The following SLIT3 variants were observed in gnomAD, a reference collection of about 807,000 sequenced individuals.
SLIT3 encodes slit guidance ligand 3.
A neutral mutation model predicts 184.0 loss-of-function variants in SLIT3; 68 were observed. The ratio of observed to expected loss-of-function variants is 0.37; its 90% CI spans 0.30 to 0.45. The LOEUF is 0.45. Among genes scored for constraint, SLIT3 ranks in the 20% least tolerant of loss-of-function variants. The probability of loss-of-function intolerance (pLI) is 1.00; values close to 1 mark genes in which losing one functional copy is unlikely to be tolerated. For synonymous variants in SLIT3, 831 were observed against 828.6 expected, an observed-to-expected ratio of 1.00 and a Z score of -0.05; for missense variants, 1,707 against 2,026.0, an observed-to-expected ratio of 0.84 and a Z score of 3.02.
At chr5:169,107,040 G>A (rs992636155) in intron 4 of SLIT3, among the ~76,000 whole-genome samples, 12 of 152,246 alleles carry the variant, frequency 7.9e-5, no homozygotes, top group Non-Finnish European at 1.6e-4. Flanking sequence ...CGCCTGCCCT[G>A]TGCAGGAAAT....
At chr5:168,772,738 A>G (rs748173394) in intron 14 of SLIT3, 43 bp downstream of exon 14, 24 of 1,609,280 alleles carry the variant, frequency 1.5e-5, no homozygotes, top group Non-Finnish European at 1.8e-5. Flanking sequence ...GGGCTGCTGC[A>G]TTCTGAGTCA....
rs545724601 is a variant in SLIT3 at position 169,108,952 on chromosome 5, T to TG, written c.413+84526dup. Reference sequence around the variant, plus strand: ...CCTCTGTCTGTGGTGGACAGGCCCTTGGGGGGTCTCTTGATGATTTTCTGC... The same window carrying TG: ...CCTCTGTCTGTGGTGGACAGGCCCTTGGGGGGGTCTCTTGATGATTTTCTGC... On this transcript the variant is annotated intron_variant, in intron 4 of 35. Coordinates refer to ENST00000519560, the MANE Select transcript of SLIT3 (RefSeq NM_003062.4). 3.1e-4 allele frequency among the ~76,000 whole-genome samples: 47 copies of TG among 152,248 alleles called. No homozygotes were observed. The East Asian group carries it at 6.8e-3, about 22-fold the overall frequency.
chr5:168,968,728 G>A (rs2113312842), intron 4 of SLIT3, among the ~76,000 whole-genome samples: 1 of 152,212 alleles, frequency 6.6e-6, no homozygotes, highest in East Asian at 1.9e-4. Flanking sequence ...CACTGTCTTG[G>A]CTACACACCT....
At chr5:169,245,052 A>T (rs1233396941) in intron 2 of SLIT3, among the ~76,000 whole-genome samples, 1 of 152,196 alleles carries the variant, frequency 6.6e-6, no homozygotes, top group Non-Finnish European at 1.5e-5. Context: ...GCACTGCAGG[A>T]TGTTGCACAG....
rs1764596353 is a variant in SLIT3 at position 169,220,896 on chromosome 5, CCCCAACTTCT to C, written c.341+23799_341+23808del. Among the ~76,000 whole-genome samples the C allele has an allele frequency of 3.9e-5, 6 of 152,274 alleles. No homozygotes were observed. The South Asian group carries it at 1.2e-3, about 32-fold the overall frequency. ...ACTCGATCTATACAATCCTACTACC[CCCCAACTTCT>C]CCCTTCTGTACCAGCCCCTTCTGGC... On this transcript the variant is annotated intron_variant, in intron 3 of 35. Coordinates refer to ENST00000519560, the MANE Select transcript of SLIT3 (RefSeq NM_003062.4).
chr5:168,942,015 T>C (rs1762349483), intron 4 of SLIT3, among the ~76,000 whole-genome samples: 1 of 152,198 alleles, frequency 6.6e-6, no homozygotes, highest in African/African-American at 2.4e-5. Flanking sequence ...TTTTTCAGTG[T>C]TGCTGTTCGG....
chr5:168,972,336 C>CGTGT (rs1353519749), intron 4 of SLIT3, among the ~76,000 whole-genome samples: 30 of 39,776 alleles, frequency 7.5e-4, no homozygotes, highest in African/African-American at 6.8e-3. Context: ...TGCAGGACAA[C>CGTGT]ATGTGTGTGT....
intron 20 of SLIT3, among the ~76,000 whole-genome samples, chr5:168,737,455 G>GCA (rs376666819): frequency 3.8e-4 from 57 of 151,338 alleles, no homozygotes; most frequent in Admixed American, 5.3e-4. Flanking sequence ...TCAGTGCTGT[G>GCA]CACACACACA....
intron 4 of SLIT3, among the ~76,000 whole-genome samples, chr5:169,108,743 C>T (rs1260582069): frequency 6.6e-6 from 1 of 152,122 alleles, no homozygotes; most frequent in East Asian, 1.9e-4. Context: ...GAGCCACCTC[C>T]CCCTCATTGC....
chr5:168,673,203 C>A lies in SLIT3; in HGVS notation c.3815G>T (p.Gly1272Val). ...LGKLQKQPAV[G>V]INSPLYLGGI... ...TCCAAGGTAGAGGGGGCTGTTGATG[C>A]CCACTGCTGGCTGCTTCTGGAGCTT... is the stretch of plus-strand genomic sequence containing the variant. Residue 1272 changes from glycine (G) to valine (V), a missense_variant, in exon 33 of 36, where the codon GGC becomes GTC. Gly to Val is a moderately radical substitution (Grantham distance 109, BLOSUM62 -3). Transcript: ENST00000519560. 1 of 1,613,612 alleles carries A rather than the reference C, an allele frequency of 6.2e-7. No individual in the cohort carries two copies. The highest frequency in any genetic ancestry group is 8.5e-7 in the Non-Finnish European group (1 of 1,179,876).
chr5:168,904,552 T>A (rs1036647819), intron 4 of SLIT3, among the ~76,000 whole-genome samples: 3 of 152,108 alleles, frequency 2.0e-5, no homozygotes, highest in Admixed American at 1.3e-4. Flanking sequence ...TGCTAGTATG[T>A]TTCTAAGCCT....
At chr5:168,838,910 G>A (rs1006779535) in intron 6 of SLIT3, among the ~76,000 whole-genome samples, 2 of 152,126 alleles carry the variant, frequency 1.3e-5, no homozygotes, top group South Asian at 4.2e-4. Flanking sequence ...ACGTGGGCTT[G>A]GTGGCCTCAG....
intron 3 of SLIT3, among the ~76,000 whole-genome samples, chr5:169,203,592 C>G (rs1763972242): frequency 6.6e-6 from 1 of 152,188 alleles, no homozygotes; most frequent in Admixed American, 6.5e-5. Context: ...TTGAGATTTT[C>G]TACTCTTGCA....
intron 4 of SLIT3, among the ~76,000 whole-genome samples, chr5:168,936,078 C>T (rs927877207): frequency 6.6e-6 from 1 of 152,192 alleles, no homozygotes; most frequent in East Asian, 1.9e-4. Flanking sequence ...GGGAGAACCA[C>T]GTGGATGTGA....
intron 4 of SLIT3, among the ~76,000 whole-genome samples, chr5:168,964,693 A>G (rs1021465909): frequency 6.6e-6 from 1 of 152,250 alleles, no homozygotes; most frequent in African/African-American, 2.4e-5. Context: ...CCCAAATGTT[A>G]TAACTGAGGC....
chr5:169,100,025 G>A (rs1440679282), intron 4 of SLIT3, among the ~76,000 whole-genome samples: 3 of 152,156 alleles, frequency 2.0e-5, no homozygotes, highest in African/African-American at 7.2e-5. Context: ...AGCTTGGAAC[G>A]CCTTGTTCTG....
intron 20 of SLIT3, among the ~76,000 whole-genome samples, chr5:168,741,215 A>T (rs1395415134): frequency 1.3e-5 from 2 of 152,204 alleles, no homozygotes; most frequent in Non-Finnish European, 2.9e-5. Context: ...TCATGCCTGT[A>T]ATCCCAGCAC....
At chr5:168,723,104 T>C (rs148844338) in intron 21 of SLIT3, 100 bp from the exon 22 acceptor site, 3 of 801,600 alleles carry the variant, frequency 3.7e-6, no homozygotes, top group Non-Finnish European at 6.6e-6. Context: ...CCCACTCATC[T>C]ACCCATCCAC....
intron 4 of SLIT3, among the ~76,000 whole-genome samples, chr5:168,897,973 T>A (rs1760742873): frequency 6.6e-6 from 1 of 152,122 alleles, no homozygotes; most frequent in Non-Finnish European, 1.5e-5. Context: ...TAAGCTCCCA[T>A]CTCCAGCAGC....
Sources: allele counts gnomAD v4.1 joint callset (sites outside exome capture counted in the v4.1 genomes callset), GRCh38; gene constraint gnomAD v4.1.1; transcripts MANE v1.5; gene names NCBI Gene and HGNC (gene_info 2026-07-23, HGNC 2026-07-21).